ATP7B: variants seen among roughly 807,000 people sequenced by gnomAD.
ATP7B encodes the protein ATPase copper transporting beta.
Under a neutral mutation model 118.9 loss-of-function variants are expected in ATP7B, and 113 were observed. The observed-to-expected ratio is 0.95, with a 90% confidence interval of 0.82 to 1.11. The LOEUF is 1.11. Ranked by LOEUF, ATP7B falls within the 50% of genes most tolerant of loss-of-function variation. The pLI is 0.00. For missense variants in ATP7B, 1,867 were observed against 1,871.4 expected (o/e 1.00, Z 0.04); for synonymous variants, 777 against 727.4 (o/e 1.07, Z -1.10).
At chr13:51,949,097 T>C (rs1278108086) in intron 12 of ATP7B, among the ~76,000 whole-genome samples, 2 of 152,064 alleles carry the variant, frequency 1.3e-5, no homozygotes, top group Non-Finnish European at 2.9e-5. Flanking sequence ...GGAGAACTGG[T>C]TGAACCTGGG....
intron 9 of ATP7B, among the ~76,000 whole-genome samples, chr13:51,951,214 T>C (rs963471576): frequency 2.0e-5 from 3 of 152,134 alleles, no homozygotes; most frequent in Admixed American, 2.0e-4. Flanking sequence ...TATTCTTAGA[T>C]CATGTGTTAA....
Position 51,946,171 on chromosome 13 carries a change from A to G in ATP7B, c.3060+113T>C, listed in dbSNP as rs1324560420. ...CCAGTTATACTTGACTTCCTATTCT[A>G]TGTAATTAACACTGCTGTCTTGAGT... On this transcript the variant is annotated intron_variant, in intron 13 of 20. Coordinates refer to ENST00000242839, the MANE Select transcript of ATP7B (RefSeq NM_000053.4). 1.4e-5 allele frequency: 20 copies of G among 1,386,884 alleles called. No individual in the cohort carries two copies. In the Admixed American group the frequency reaches 1.9e-4, roughly 13 times the overall value. 85.9% of individuals were successfully genotyped at this position (1,386,884 alleles called of 1,614,324 possible). A position where few individuals can be genotyped will look rare whatever the true frequency, so the allele number is the denominator to read the frequency against.
At position 51,974,298 on chromosome 13, in the gene ATP7B, G is replaced by C; in HGVS notation, c.922C>G (p.Pro308Ala). The C allele has an allele frequency of 6.2e-7, 1 of 1,614,106 alleles. No individual in the cohort carries two copies. The highest frequency in any genetic ancestry group is 1.1e-5 in the South Asian group (1 of 91,078). The change falls in exon 2 of 21, where the codon CCA becomes GCA. Residue 308 changes from proline (P) to alanine (A), a missense_variant. Pro to Ala is a conservative substitution (Grantham distance 27, BLOSUM62 -1). Coordinates refer to ENST00000242839, the MANE Select transcript of ATP7B (RefSeq NM_000053.4). ...QVKYDPSCTS[P>A]VALQRAIEAL... ...TCGATAGCCCTCTGCAGAGCCACTGGGCTGGTACAAGAAGGGTCATACTTT... is the reference window on the plus strand; with the variant it reads ...TCGATAGCCCTCTGCAGAGCCACTGCGCTGGTACAAGAAGGGTCATACTTT...
At chr13:51,948,026 G>T (rs541210427) in intron 12 of ATP7B, among the ~76,000 whole-genome samples, 1 of 152,318 alleles carries the variant, frequency 6.6e-6, no homozygotes, top group Non-Finnish European at 1.5e-5. Context: ...TAGGCAGTCA[G>T]GTGCCATGGA....
Position 51,970,512 on chromosome 13 carries a change from C to T in ATP7B, c.1523G>A (p.Arg508Lys), listed in dbSNP as rs578173224. ...CTTACCAGCTTCTTTCTGCAGATTC[C>T]TTTCTATGTTAGACACACAGGATGC... ...TCASCVSNIE[R>K]NLQKEAGVLS... Residue 508 changes from arginine (R) to lysine (K), a missense_variant, in exon 3 of 21, where the codon AGG becomes AAG. By Grantham distance (26) the Arg-to-Lys change is conservative. Transcript: ENST00000242839. The T allele has an allele frequency of 1.2e-6, 2 of 1,614,186 alleles. No individual in the cohort carries two copies. Among genetic ancestry groups the T allele is most frequent in the South Asian group, 2.2e-5 (2 of 91,086 alleles).
intron 1 of ATP7B, among the ~76,000 whole-genome samples, chr13:52,000,401 C>T (rs117477967): frequency 0.018 from 2,799 of 152,272 alleles, 28 homozygotes; most frequent in Middle Eastern, 0.034. Context: ...AAGGCAGAGC[C>T]CTCATGGCCA....
rs561139788 is a variant in ATP7B, at chr13:51,953,851, T to TAAAAAA, written c.2448-3458_2448-3453dup. On this transcript the variant is annotated intron_variant, in intron 9 of 20. Transcript: ENST00000242839. ...TTGTAATTTGTTTCCCCATCAATTG[T>TAAAAAA]AAAAAAAAAAAAAAAAACCAGAAAA... Among the ~76,000 whole-genome samples the TAAAAAA allele has an allele frequency of 1.2e-3, 112 of 94,372 alleles. 1 individual carries two copies. In the Middle Eastern group the frequency reaches 0.02, roughly 17 times the overall value. The allele number at this position is 94,372 out of a possible 152,430, so 61.9% of individuals were successfully genotyped here.
intron 8 of ATP7B, 115 bp downstream of exon 8, chr13:51,958,196 C>T (rs1958479569): frequency 8.0e-7 from 1 of 1,255,656 alleles, no homozygotes; most frequent in Non-Finnish European, 1.1e-6. Context: ...TTTCCTATTT[C>T]TTTAAGTCTG....
chr13:51,938,425 G>A (rs1437190443), intron 17 of ATP7B, among the ~76,000 whole-genome samples: 3 of 152,218 alleles, frequency 2.0e-5, no homozygotes, highest in Non-Finnish European at 2.9e-5. Flanking sequence ...GCCAGAAAAG[G>A]GGGGAAGGAC....
chr13:51,958,467 G>A lies in ATP7B; in HGVS notation c.2199C>T (p.Ile733=), dbSNP rs575138257. ...RHRSANMDVL[I]VLATSIAYVY... Reference sequence around the variant, plus strand: ...CATAAGCAATGCTTGTGGCCAGGACGATGAGCACGTCCATGTTGGCTGACC... The same window carrying A: ...CATAAGCAATGCTTGTGGCCAGGACAATGAGCACGTCCATGTTGGCTGACC... The change falls in exon 8 of 21, where the codon ATC becomes ATT. Residue 733 remains isoleucine (I), a synonymous_variant. Coordinates refer to ENST00000242839, the MANE Select transcript of ATP7B (RefSeq NM_000053.4). 1.1e-5 allele frequency: 17 copies of A among 1,614,244 alleles called. 1 individual carries two copies. In the East Asian group the frequency reaches 1.3e-4, roughly 13 times the overall value.
At chr13:51,955,096 G>C (rs1367949737) in intron 9 of ATP7B, among the ~76,000 whole-genome samples, 1 of 152,194 alleles carries the variant, frequency 6.6e-6, no homozygotes, top group Non-Finnish European at 1.5e-5. Flanking sequence ...CCCCAGCAAA[G>C]GGATGGTCAG....
At chr13:51,937,781 C>T in intron 17 of ATP7B, 102 bp from the exon 18 acceptor site, 3 of 1,355,778 alleles carry the variant, frequency 2.2e-6, no homozygotes, top group South Asian at 1.2e-5. Context: ...CCTCTGGGTC[C>T]AGTCAGTGAT....
chr13:52,010,582 G>A (rs1953974416), intron 1 of ATP7B, among the ~76,000 whole-genome samples: 1 of 151,918 alleles, frequency 6.6e-6, no homozygotes, highest in South Asian at 2.1e-4. Context: ...ACTGAAAAAA[G>A]AGAATGCACA....
At chr13:52,002,670 A>G (rs1953566218) in intron 1 of ATP7B, among the ~76,000 whole-genome samples, 1 of 113,550 alleles carries the variant, frequency 8.8e-6, no homozygotes, top group Non-Finnish European at 1.9e-5. Context: ...TATCCCTTCA[A>G]GCCAGGGATC....
At chr13:51,955,632 A>C (rs1017165556) in intron 9 of ATP7B, among the ~76,000 whole-genome samples, 2 of 152,218 alleles carry the variant, frequency 1.3e-5, no homozygotes, top group African/African-American at 4.8e-5. Flanking sequence ...AACTGCAGTC[A>C]GTGCCATCAG....
In ATP7B at chr13:51,950,173, A is replaced by AC; in HGVS notation, c.2576-13_2576-12insG. 1 of 1,614,132 alleles carries AC rather than the reference A, an allele frequency of 6.2e-7. No homozygotes were observed. The highest frequency in any genetic ancestry group is 2.2e-5 in the East Asian group (1 of 44,874). ...TGGCATGGCTTCTCCTAGACGTAGG[A>AC]AAGAGACAACTGTCACTTGCTCAGC... is the stretch of plus-strand genomic sequence containing the variant. On this transcript the variant is annotated splice_polypyrimidine_tract_variant and intron_variant, in intron 10 of 20. Transcript: ENST00000242839.
chr13:51,937,499 C>T lies in ATP7B; in HGVS notation c.3880G>A (p.Ala1294Thr). ...ACTCTGATAAGGACGACGTCGGCTGCCTCGATGGCCACATCCGTGCCGGTG... is the reference window on the plus strand; with the variant it reads ...ACTCTGATAAGGACGACGTCGGCTGTCTCGATGGCCACATCCGTGCCGGTG... The part of the protein sequence containing the change: ...IGTGTDVAIE[A>T]ADVVLIRNDL... Residue 1294 changes from alanine (A) to threonine (T), a missense_variant, in exon 18 of 21, where the codon GCA becomes ACA. Coordinates refer to ENST00000242839, the MANE Select transcript of ATP7B (RefSeq NM_000053.4). 2 of 1,614,084 alleles carry T rather than the reference C, an allele frequency of 1.2e-6. No individual in the cohort carries two copies. Among genetic ancestry groups the T allele is most frequent in the East Asian group, 2.2e-5 (1 of 44,880 alleles).
intron 1 of ATP7B, among the ~76,000 whole-genome samples, chr13:51,984,654 G>T (rs772945063): frequency 6.6e-6 from 1 of 152,150 alleles, no homozygotes; most frequent in Non-Finnish European, 1.5e-5. Context: ...AATGTTGAGG[G>T]CAGCCAGAGA....
At chr13:51,935,742 G>T in intron 19 of ATP7B, 47 bp from the exon 20 acceptor site, 1 of 1,541,018 alleles carries the variant, frequency 6.5e-7, no homozygotes, top group Non-Finnish European at 8.8e-7. Context: ...GGGGAGAGGA[G>T]CCAGGAGAGG....
Sources: gnomAD v4.1 joint callset for allele counts (sites outside exome capture counted in the v4.1 genomes callset) on GRCh38, gnomAD v4.1.1 for gene constraint, MANE v1.5 for transcripts, NCBI Gene and HGNC (gene_info 2026-07-23, HGNC 2026-07-21) for gene names.